Variants in MAGI2 observed in about 807,000 individuals in gnomAD.
The protein encoded by MAGI2 is membrane-associated guanylate kinase, WW and PDZ domain-containing protein 2.
In MAGI2, 35 loss-of-function variants were observed where a neutral mutation model predicts 133.3. The ratio of observed to expected loss-of-function variants is 0.26; its 90% confidence interval spans 0.20 to 0.35. The LOEUF is 0.35. Among genes scored for constraint, MAGI2 ranks in the 10% least tolerant of loss-of-function variants. The probability of loss-of-function intolerance (pLI) is 1.00; values close to 1 mark genes in which losing one functional copy is unlikely to be tolerated. For missense variants in MAGI2, 1,636 were observed against 1,863.4 expected (o/e 0.88, Z 2.25); for synonymous variants, 729 against 710.6 (o/e 1.03, Z -0.41).
chr7:78,843,122 G>C (rs1287586316), intron 2 of MAGI2, among the ~76,000 whole-genome samples: 5 of 151,776 alleles, frequency 3.3e-5, no homozygotes, highest in Non-Finnish European at 2.9e-5. Context: ...GTGTGTTATA[G>C]GATATTGAGC....
At chr7:79,272,654 G>A (rs1834958104) in intron 1 of MAGI2, among the ~76,000 whole-genome samples, 1 of 151,936 alleles carries the variant, frequency 6.6e-6, no homozygotes, top group East Asian at 1.9e-4. Flanking sequence ...TGATTTCTGA[G>A]AAATAATTTC....
chr7:78,067,786 G>A (rs964759436), intron 21 of MAGI2, among the ~76,000 whole-genome samples: 3 of 152,198 alleles, frequency 2.0e-5, no homozygotes, highest in African/African-American at 7.2e-5. Flanking sequence ...AATATTGGGA[G>A]TTCTTATCAG....
chr7:79,239,751 G>T (rs1011820799), intron 1 of MAGI2, among the ~76,000 whole-genome samples: 1 of 152,190 alleles, frequency 6.6e-6, no homozygotes, highest in Non-Finnish European at 1.5e-5. Context: ...TCATAATTCT[G>T]TGTAAGTACA....
At chr7:78,185,715 AT>A in intron 12 of MAGI2, 45 bp from the exon 13 acceptor site, 1 of 1,441,028 alleles carries the variant, frequency 6.9e-7, no homozygotes, top group Non-Finnish European at 9.6e-7. Flanking sequence ...CATTTATGGC[AT>A]TTTAAAATTC....
In MAGI2 at chr7:78,374,693, T is replaced by C. The variant is rs868681887; in HGVS notation, c.1046-5480A>G. ...ATTGGCCTGTAGCTTTCTTTTTTCA[T>C]TGTGTCTTGCCAGGTTTTGGTATCA... On this transcript the variant is annotated intron_variant, in intron 6 of 21. Transcript: ENST00000354212. Among the ~76,000 whole-genome samples the C allele has an allele frequency of 1.3e-5, 2 of 152,112 alleles. 1 individual carries two copies. The highest frequency in any genetic ancestry group is 1.3e-4 in the Admixed American group (2 of 15,254).
intron 2 of MAGI2, among the ~76,000 whole-genome samples, chr7:78,720,915 G>T (rs1232785445): frequency 6.6e-6 from 1 of 151,988 alleles, no homozygotes. Flanking sequence ...GTTCCTTCTG[G>T]GGAAATTCTG....
chr7:78,800,345 C>T (rs998741780), intron 2 of MAGI2, among the ~76,000 whole-genome samples: 3 of 152,044 alleles, frequency 2.0e-5, no homozygotes, highest in East Asian at 3.9e-4. Context: ...TCCACATAGT[C>T]ATTCAGGGAT....
intron 1 of MAGI2, chr7:79,413,656 G>T (rs975339357): frequency 1.3e-5 from 2 of 152,100 alleles, no homozygotes; most frequent in Non-Finnish European, 2.9e-5. Flanking sequence ...GGTCCTTTGT[G>T]TCTGTTATTT....
At chr7:78,429,651 T>C (rs1408925197) in intron 6 of MAGI2, among the ~76,000 whole-genome samples, 2 of 151,960 alleles carry the variant, frequency 1.3e-5, no homozygotes, top group African/African-American at 4.8e-5. Context: ...ATTCAAGACG[T>C]TTTTTCGAAA....
At chr7:78,384,975 G>C (rs1224400491) in intron 6 of MAGI2, among the ~76,000 whole-genome samples, 1 of 152,118 alleles carries the variant, frequency 6.6e-6, no homozygotes, top group Non-Finnish European at 1.5e-5. Context: ...GCAGCATCAC[G>C]ACAATTTTAC....
intron 2 of MAGI2, among the ~76,000 whole-genome samples, chr7:78,947,108 A>G (rs1801477617): frequency 6.6e-6 from 1 of 152,124 alleles, no homozygotes; most frequent in South Asian, 2.1e-4. Flanking sequence ...ATTTGCATTC[A>G]GACCATGGAC....
chr7:78,176,283 A>G (rs1028004861), intron 14 of MAGI2, among the ~76,000 whole-genome samples: 1 of 152,124 alleles, frequency 6.6e-6, no homozygotes, highest in Non-Finnish European at 1.5e-5. Context: ...AATCTGGCCA[A>G]TCCTCCTTGG....
intron 2 of MAGI2, among the ~76,000 whole-genome samples, chr7:78,750,402 C>T (rs1391088714): frequency 1.3e-5 from 2 of 152,230 alleles, no homozygotes; most frequent in South Asian, 2.1e-4. Context: ...TGGGTATATA[C>T]CCAGTAATGG....
chr7:78,049,958 C>T (rs1811845603), intron 21 of MAGI2, among the ~76,000 whole-genome samples: 1 of 152,168 alleles, frequency 6.6e-6, no homozygotes, highest in South Asian at 2.1e-4. Flanking sequence ...CAATGAAATG[C>T]TCACTCTAAC....
At chr7:78,537,400 T>C (rs62468600) in intron 3 of MAGI2, among the ~76,000 whole-genome samples, 10,054 of 152,288 alleles carry the variant, frequency 0.066, 410 homozygotes, top group Non-Finnish European at 0.097. Context: ...GATCTACTTT[T>C]AGTTCTTTAA....
intron 1 of MAGI2, among the ~76,000 whole-genome samples, chr7:79,126,326 G>T (rs1179686889): frequency 9.2e-5 from 14 of 152,154 alleles, no homozygotes; most frequent in Admixed American, 9.2e-4. Flanking sequence ...GTTATGGTGG[G>T]ACTGTGAATC....
At chr7:78,594,420 G>A (rs998217976) in intron 3 of MAGI2, among the ~76,000 whole-genome samples, 3 of 151,864 alleles carry the variant, frequency 2.0e-5, no homozygotes, top group Admixed American at 6.6e-5. Flanking sequence ...GGCTTTTTCC[G>A]GGCCTTGAAG....
chr7:79,162,175 T>A (rs1824433848), intron 1 of MAGI2, among the ~76,000 whole-genome samples: 1 of 152,046 alleles, frequency 6.6e-6, no homozygotes, highest in Admixed American at 6.6e-5. Flanking sequence ...GCTACAATAA[T>A]CCTCTAGAGA....
intron 9 of MAGI2, among the ~76,000 whole-genome samples, chr7:78,304,638 T>C (rs1798104249): frequency 6.6e-6 from 1 of 152,214 alleles, no homozygotes; most frequent in African/African-American, 2.4e-5. Context: ...TGGTGCTTAC[T>C]TTCCACTTGA....
Sources: gnomAD v4.1 joint callset for allele counts (sites outside exome capture counted in the v4.1 genomes callset) on GRCh38, gnomAD v4.1.1 for gene constraint, MANE v1.5 for transcripts, NCBI Gene and HGNC (gene_info 2026-07-23, HGNC 2026-07-21) for gene names.